The following TMED8 variants were observed in gnomAD, a reference collection of about 807,000 sequenced individuals.
The protein encoded by TMED8 is transmembrane p24 trafficking protein family member 8.
A neutral mutation model predicts 32.7 loss-of-function variants in TMED8; 15 were observed. The observed-to-expected ratio is 0.46, with a 90% confidence interval of 0.31 to 0.71. The LOEUF (loss-of-function observed/expected upper bound fraction) is 0.71. Among genes scored for constraint, TMED8 ranks in the 30% least tolerant of loss-of-function variants. The probability of loss-of-function intolerance (pLI) is 0.06; values close to 1 mark genes in which losing one functional copy is unlikely to be tolerated. For synonymous variants in TMED8, 147 were observed against 161.4 expected, an observed-to-expected ratio of 0.91 and a Z score of 0.68; for missense variants, 390 against 423.9, an observed-to-expected ratio of 0.92 and a Z score of 0.70.
intron 1 of TMED8, among the ~76,000 whole-genome samples, chr14:77,356,389 A>G (rs972726485): frequency 6.6e-6 from 1 of 152,142 alleles, no homozygotes; most frequent in Non-Finnish European, 1.5e-5. Context: ...CTGTTTAAAA[A>G]CCTTTATTGT....
intron 2 of TMED8, 72 bp downstream of exon 2, chr14:77,351,600 CT>C: frequency 7.2e-7 from 1 of 1,385,480 alleles, no homozygotes; most frequent in South Asian, 1.2e-5. Flanking sequence ...CTTAAAGTCA[CT>C]ACCTATTTCT....
chr14:77,351,270 A>G (rs1893167762), intron 2 of TMED8, among the ~76,000 whole-genome samples: 1 of 150,840 alleles, frequency 6.6e-6, no homozygotes, highest in Non-Finnish European at 1.5e-5. Flanking sequence ...GCGGATCACA[A>G]GGTCAGGAGT....
In TMED8 at chr14:77,339,090, A is replaced by C. The variant is rs1319638048; in HGVS notation, c.*2681T>G. 6.6e-6 allele frequency: 1 copy of C among 152,228 alleles called. No individual in the cohort carries two copies. 9.4% of individuals were successfully genotyped at this position (152,228 alleles called of 1,614,324 possible). Reference sequence around the variant, plus strand: ...TGGACTGGGAGGGGCTGAGGAAATGACTGTCTCTTAGAATTTGCTGGGCTG... The same window carrying C: ...TGGACTGGGAGGGGCTGAGGAAATGCCTGTCTCTTAGAATTTGCTGGGCTG... On this transcript the variant is annotated 3_prime_UTR_variant, in exon 6 of 6. Transcript: ENST00000216468.
intron 2 of TMED8, among the ~76,000 whole-genome samples, 177 bp downstream of exon 2, chr14:77,351,496 C>T (rs1397379546): frequency 4.2e-5 from 6 of 142,020 alleles, no homozygotes; most frequent in East Asian, 2.2e-4. Context: ...CTCCTGACCT[C>T]GTGATCCACC....
At chr14:77,349,646 T>G (rs1311422409) in intron 2 of TMED8, among the ~76,000 whole-genome samples, 2 of 152,302 alleles carry the variant, frequency 1.3e-5, no homozygotes, top group East Asian at 3.9e-4. Flanking sequence ...GCTGAGAGGT[T>G]TCTCAGAGGT....
chr14:77,361,174 G>C (rs1893426646), intron 1 of TMED8, among the ~76,000 whole-genome samples: 2 of 151,932 alleles, frequency 1.3e-5, no homozygotes, highest in African/African-American at 4.8e-5. Context: ...TAGAGACAGG[G>C]TTTCACCATG....
In TMED8 at chr14:77,335,966, T is replaced by C. The variant is rs1175588481; in HGVS notation, c.*5805A>G. On this transcript the variant is annotated 3_prime_UTR_variant, in exon 6 of 6. Coordinates refer to ENST00000216468, the MANE Select transcript of TMED8 (RefSeq NM_213601.3). Reference sequence around the variant, plus strand: ...GTTTTCCAGATGATTCTTGGCCTGATCCTAAGAATCAACAATAACAATCAA... The same window carrying C: ...GTTTTCCAGATGATTCTTGGCCTGACCCTAAGAATCAACAATAACAATCAA... 6.6e-6 allele frequency: 1 copy of C among 152,180 alleles called. No homozygotes were observed. Among genetic ancestry groups the C allele is most frequent in the East Asian group, 1.9e-4 (1 of 5,192 alleles). The allele number at this position is 152,180 out of a possible 1,614,324, so 9.4% of individuals were successfully genotyped here. A position where few individuals can be genotyped will look rare whatever the true frequency, so the allele number is the denominator to read the frequency against.
In TMED8 at chr14:77,376,713, G is replaced by A; in HGVS notation, c.118+223C>T. 1 of 331,374 alleles carries A rather than the reference G, an allele frequency of 3.0e-6. No homozygotes were observed. The highest frequency in any genetic ancestry group is 5.4e-6 in the Non-Finnish European group (1 of 183,498). The allele number at this position is 331,374 out of a possible 1,614,324, so 20.5% of individuals were successfully genotyped here. On this transcript the variant is annotated intron_variant, in intron 1 of 5. Coordinates refer to ENST00000216468, the MANE Select transcript of TMED8 (RefSeq NM_213601.3). This position sits in a 1 kb window ranked among gnomAD's most constrained non-coding sequence, Gnocchi z 4.0. Reference sequence around the variant, plus strand: ...GGGCAGATCTCAGAAAGGAAGCGGGGCAGGAATCAAGGCATTTCGAAACAG... The same window carrying A: ...GGGCAGATCTCAGAAAGGAAGCGGGACAGGAATCAAGGCATTTCGAAACAG...
chr14:77,341,429 A>T lies in TMED8; in HGVS notation c.*342T>A. Reference sequence around the variant, plus strand: ...GGCTGTGGGAGAGGAGAGGGCAGCAATCTGAATGATAAACCTGTGCCAAGA... The same window carrying T: ...GGCTGTGGGAGAGGAGAGGGCAGCATTCTGAATGATAAACCTGTGCCAAGA... On this transcript the variant is annotated 3_prime_UTR_variant, in exon 6 of 6. Coordinates refer to ENST00000216468, the MANE Select transcript of TMED8 (RefSeq NM_213601.3). 1 of 299,166 alleles carries T rather than the reference A, an allele frequency of 3.3e-6. No homozygotes were observed. Among genetic ancestry groups the T allele is most frequent in the South Asian group, 3.5e-5 (1 of 28,930 alleles). 18.5% of individuals were successfully genotyped at this position (299,166 alleles called of 1,614,324 possible).
intron 1 of TMED8, among the ~76,000 whole-genome samples, chr14:77,356,197 C>A (rs1893288467): frequency 6.6e-6 from 1 of 152,028 alleles, no homozygotes; most frequent in Admixed American, 6.6e-5. Flanking sequence ...TGAAAGATTG[C>A]ATGAAAAGAA....
At chr14:77,362,659 GT>G (rs1381113904) in intron 1 of TMED8, among the ~76,000 whole-genome samples, 1 of 152,028 alleles carries the variant, frequency 6.6e-6, no homozygotes, top group Admixed American at 6.6e-5. Context: ...AATGGATTAA[GT>G]TCTCCAATTA....
chr14:77,346,354 T>G lies in TMED8; in HGVS notation c.322A>C (p.Asn108His), dbSNP rs1566685430. The G allele has an allele frequency of 2.5e-6, 4 of 1,613,930 alleles. No individual in the cohort carries two copies. In the Admixed American group the frequency reaches 6.7e-5, roughly 27 times the overall value. ...LLPADQAQVL[N>H]EMAKYQVPQR... The stretch of plus-strand genomic sequence containing the variant: ...AGCCAGAATCTGCCCCCTACCTCAT[T>G]GAGGACCTGGGCCTGGTCTGCAGGC... Residue 108 changes from asparagine to histidine, a missense_variant, in exon 3 of 6, where the codon AAT becomes CAT. By Grantham distance (68) the Asn-to-His change is moderately conservative (BLOSUM62 1). Coordinates refer to ENST00000216468, the MANE Select transcript of TMED8 (RefSeq NM_213601.3).
chr14:77,346,386 T>G lies in TMED8; in HGVS notation c.290A>C (p.Asp97Ala). Residue 97 changes from aspartate to alanine, a missense_variant, in exon 3 of 6, where the codon GAT (aspartate) becomes GCT (alanine). Physicochemically the swap from Asp to Ala is moderately radical, Grantham distance 126. Coordinates refer to ENST00000216468, the MANE Select transcript of TMED8 (RefSeq NM_213601.3). ...PLEAQALVKQDLLPADQAQVL... is the reference protein window; with the variant it reads ...PLEAQALVKQALLPADQAQVL... Reference sequence around the variant, plus strand: ...CTGGGCCTGGTCTGCAGGCAGCAAATCCTGTTTCACCAAGGCCTGAGCCTC... The same window carrying G: ...CTGGGCCTGGTCTGCAGGCAGCAAAGCCTGTTTCACCAAGGCCTGAGCCTC... 1.2e-6 allele frequency: 2 copies of G among 1,614,106 alleles called. No individual in the cohort carries two copies. Among genetic ancestry groups the G allele is most frequent in the Non-Finnish European group, 1.7e-6 (2 of 1,180,030 alleles).
In TMED8 at chr14:77,343,310, T is replaced by C. The variant is rs749248179; in HGVS notation, c.628A>G (p.Thr210Ala). ...CCAAAGCCAATGTCATAGTCATCGGTCGCAAACTCCCAGCAGACACGCTTC... is the reference window on the plus strand; with the variant it reads ...CCAAAGCCAATGTCATAGTCATCGGCCGCAAACTCCCAGCAGACACGCTTC... ...EGKRVCWEFA[T>A]DDYDIGFGVY... is the part of the protein sequence containing the mutation. The change falls in exon 5 of 6, where the codon ACC (threonine) becomes GCC (alanine). Residue 210 changes from threonine (T) to alanine (A), a missense_variant. Transcript: ENST00000216468. 6.2e-7 allele frequency: 1 copy of C among 1,614,172 alleles called. No individual in the cohort carries two copies. The highest frequency in any genetic ancestry group is 1.1e-5 in the South Asian group (1 of 91,084).
intron 1 of TMED8, among the ~76,000 whole-genome samples, chr14:77,369,301 C>T (rs778193564): frequency 2.0e-5 from 3 of 152,186 alleles, no homozygotes; most frequent in Non-Finnish European, 4.4e-5. Flanking sequence ...CAAATCTTTC[C>T]CTGTTGTCTT....
intron 1 of TMED8, among the ~76,000 whole-genome samples, chr14:77,367,512 A>G (rs1261394958): frequency 2.0e-5 from 3 of 152,088 alleles, no homozygotes; most frequent in African/African-American, 7.2e-5. Context: ...CACCTAAGTA[A>G]GCATTCCTAA....
At chr14:77,374,780 G>A (rs1361591802) in intron 1 of TMED8, among the ~76,000 whole-genome samples, 2 of 152,204 alleles carry the variant, frequency 1.3e-5, no homozygotes, top group African/African-American at 4.8e-5. Context: ...ATAAAGAATT[G>A]TAATAAAAGA....
intron 3 of TMED8, among the ~76,000 whole-genome samples, chr14:77,345,152 TA>T (rs2139604920): frequency 6.6e-6 from 1 of 152,294 alleles, no homozygotes; most frequent in South Asian, 2.1e-4. Flanking sequence ...CACGCCCAGC[TA>T]ATTTTGTATT....
At chr14:77,372,976 TTTTTTTTG>T in intron 1 of TMED8, among the ~76,000 whole-genome samples, 1 of 101,876 alleles carries the variant, frequency 9.8e-6, no homozygotes. Context: ...TTTTTTTTTT[TTTTTTTTG>T]AGACAGCGTC....
Sources: allele counts gnomAD v4.1 joint callset (sites outside exome capture counted in the v4.1 genomes callset), GRCh38; gene constraint gnomAD v4.1.1; non-coding constraint Gnocchi (gnomAD v3.1); transcripts MANE v1.5; gene names NCBI Gene and HGNC (gene_info 2026-07-23, HGNC 2026-07-21).